Variants in LRRC8D observed in about 807,000 individuals in gnomAD.
The protein encoded by LRRC8D is leucine rich repeat containing 8 VRAC subunit D.
Under a neutral mutation model 55.8 loss-of-function variants are expected in LRRC8D, and 20 were observed. That is an observed-to-expected ratio of 0.36 (90% confidence interval 0.25 to 0.52). LRRC8D has a LOEUF of 0.52. LRRC8D is among the 20% of genes least tolerant of loss of function. The probability of loss-of-function intolerance (pLI) is 0.93; values close to 1 mark genes in which losing one functional copy is unlikely to be tolerated. For synonymous variants in LRRC8D, 352 were observed against 377.0 expected, an observed-to-expected ratio of 0.93 and a Z score of 0.77; for missense variants, 651 against 1,030.8, an observed-to-expected ratio of 0.63 and a Z score of 5.05.
intron 2 of LRRC8D, chr1:89,929,770 A>G (rs1285686940): frequency 6.6e-6 from 1 of 152,252 alleles, no homozygotes; most frequent in African/African-American, 2.4e-5. Flanking sequence ...CAAATTCCCA[A>G]CATCATTACT....
intron 2 of LRRC8D, among the ~76,000 whole-genome samples, chr1:89,917,605 TCACAC>T (rs1275118876): frequency 3.9e-5 from 6 of 152,104 alleles, no homozygotes; most frequent in Non-Finnish European, 7.4e-5. Context: ...TACTCTTTCT[TCACAC>T]CTCCCTTCCA....
At chr1:89,843,547 G>T (rs1279048243) in intron 1 of LRRC8D, 91 bp from the exon 2 acceptor site, 2 of 683,964 alleles carry the variant, frequency 2.9e-6, no homozygotes, top group Non-Finnish European at 5.4e-6. Flanking sequence ...TGACCCCCTG[G>T]TCTTGCCTCC....
At chr1:89,896,329 T>G (rs1662711967) in intron 2 of LRRC8D, among the ~76,000 whole-genome samples, 1 of 151,952 alleles carries the variant, frequency 6.6e-6, no homozygotes, top group South Asian at 2.1e-4. Flanking sequence ...CCCTTAGAGA[T>G]CGTGTCGTCT....
intron 2 of LRRC8D, among the ~76,000 whole-genome samples, chr1:89,881,689 A>G (rs1330926517): frequency 6.6e-6 from 1 of 152,080 alleles, no homozygotes; most frequent in Non-Finnish European, 1.5e-5. Context: ...CAAGACATGA[A>G]TGGCCTGAAA....
chr1:89,934,355 A>G lies in LRRC8D; in HGVS notation c.1287A>G (p.Leu429=), dbSNP rs749602919. 4.3e-6 allele frequency: 7 copies of G among 1,613,782 alleles called. No individual in the cohort carries two copies. The Admixed American group carries it at 6.7e-5, about 15-fold the overall frequency. ...LLHMVDQYDQ[L]YSKRFGVFLS... is the part of the protein sequence containing the mutation. The stretch of plus-strand genomic sequence containing the variant: ...ACATGGTAGACCAGTATGACCAGCT[A>G]TATTCCAAGCGTTTTGGTGTGTTCT... The change falls in exon 3 of 3, where the codon CTA becomes CTG. Residue 429 remains leucine, a synonymous_variant. Coordinates refer to ENST00000337338, the MANE Select transcript of LRRC8D (RefSeq NM_001134479.2). This position sits in a 1 kb window ranked among gnomAD's most constrained non-coding sequence, Gnocchi z 5.9.
At chr1:89,879,477 G>A (rs1236125639) in intron 2 of LRRC8D, among the ~76,000 whole-genome samples, 6 of 152,178 alleles carry the variant, frequency 3.9e-5, no homozygotes, top group African/African-American at 1.4e-4. Context: ...ATGTTGAAAT[G>A]GATAGGAAGC....
At chr1:89,862,968 G>A (rs1227338134) in intron 2 of LRRC8D, among the ~76,000 whole-genome samples, 2 of 152,112 alleles carry the variant, frequency 1.3e-5, no homozygotes, top group Non-Finnish European at 2.9e-5. Flanking sequence ...AAATAAAAAG[G>A]CTTTTAGTTC....
intron 2 of LRRC8D, among the ~76,000 whole-genome samples, chr1:89,844,288 T>G (rs531203902): frequency 8.5e-4 from 129 of 152,286 alleles, no homozygotes; most frequent in Middle Eastern, 3.4e-3. Context: ...AATCTTAGTG[T>G]CCATGCTCAG....
At chr1:89,896,385 G>A (rs1662713102) in intron 2 of LRRC8D, among the ~76,000 whole-genome samples, 1 of 152,186 alleles carries the variant, frequency 6.6e-6, no homozygotes, top group African/African-American at 2.4e-5. Flanking sequence ...AAATGTTTAT[G>A]TGCCTGGCTC....
Position 89,926,534 on chromosome 1 carries a change from G to T in LRRC8D, c.-2-6533G>T, listed in dbSNP as rs189196205. On this transcript the variant is annotated intron_variant, in intron 2 of 2. Coordinates refer to ENST00000337338, the MANE Select transcript of LRRC8D (RefSeq NM_001134479.2). ...ACCTCTAAGCCAAGGACAACAGTGAGGAGTTGCCTCCTTCAATAGCCAACC... is the reference window on the plus strand; with the variant it reads ...ACCTCTAAGCCAAGGACAACAGTGATGAGTTGCCTCCTTCAATAGCCAACC... Among the ~76,000 whole-genome samples, 3 of 152,344 alleles carry T rather than the reference G, an allele frequency of 2.0e-5. No individual in the cohort carries two copies. In the East Asian group the frequency reaches 5.8e-4, roughly 29 times the overall value.
chr1:89,932,726 C>A (rs1242125919), intron 2 of LRRC8D, among the ~76,000 whole-genome samples: 1 of 152,164 alleles, frequency 6.6e-6, no homozygotes, highest in Non-Finnish European at 1.5e-5. Context: ...CACTCCTTGA[C>A]CTCCAAATTT....
intron 2 of LRRC8D, among the ~76,000 whole-genome samples, chr1:89,889,693 C>T (rs1662512847): frequency 6.7e-6 from 1 of 150,046 alleles, no homozygotes; most frequent in Non-Finnish European, 1.5e-5. Context: ...ACCAGCCTGG[C>T]GAACATGGTG....
intron 2 of LRRC8D, among the ~76,000 whole-genome samples, chr1:89,926,776 G>A (rs1481201354): frequency 6.6e-6 from 1 of 152,166 alleles, no homozygotes; most frequent in Admixed American, 6.5e-5. Flanking sequence ...CTTGCAAACC[G>A]AAAAGCACTG....
At chr1:89,843,443 C>A in intron 1 of LRRC8D, 195 bp from the exon 2 acceptor site, 1 of 381,508 alleles carries the variant, frequency 2.6e-6, no homozygotes, top group East Asian at 4.1e-5. Flanking sequence ...CGGGCCGAGG[C>A]CGCGCCACCT....
intron 2 of LRRC8D, among the ~76,000 whole-genome samples, chr1:89,931,714 G>A (rs113959328): frequency 0.047 from 7,102 of 152,130 alleles, 214 homozygotes; most frequent in Middle Eastern, 0.092. Flanking sequence ...AGCTGAGATC[G>A]CGCCACTGCA....
chr1:89,907,258 C>G (rs1663020735), intron 2 of LRRC8D, among the ~76,000 whole-genome samples: 1 of 124,142 alleles, frequency 8.1e-6, no homozygotes, highest in East Asian at 2.7e-4. Context: ...GTGGTGTGAT[C>G]TTGGCTCACT....
chr1:89,835,652 C>T (rs1392007296), intron 1 of LRRC8D, among the ~76,000 whole-genome samples: 1 of 152,128 alleles, frequency 6.6e-6, no homozygotes, highest in African/African-American at 2.4e-5. Context: ...TTTTACTCTG[C>T]CTTTCTAGCC....
intron 1 of LRRC8D, chr1:89,821,832 G>GCGCCC (rs1295401390): frequency 1.3e-5 from 2 of 151,928 alleles, no homozygotes; most frequent in African/African-American, 4.8e-5. Context: ...GTGAAGGCCC[G>GCGCCC]CGCCCCGCCC....
chr1:89,929,938 A>G (rs892619076), intron 2 of LRRC8D: 4 of 152,276 alleles, frequency 2.6e-5, no homozygotes, highest in African/African-American at 9.7e-5. Flanking sequence ...GATCAGCAGC[A>G]GCATTAGATT....
Sources: gnomAD v4.1 joint callset for allele counts (sites outside exome capture counted in the v4.1 genomes callset) on GRCh38, gnomAD v4.1.1 for gene constraint, Gnocchi (gnomAD v3.1) non-coding constraint, MANE v1.5 for transcripts, NCBI Gene and HGNC (gene_info 2026-07-23, HGNC 2026-07-21) for gene names.